DNAJC11: variants seen among roughly 807,000 people sequenced by gnomAD.
DNAJC11 encodes DnaJ heat shock protein family (Hsp40) member C11, also known as dnaJ homolog subfamily C member 11.
In DNAJC11, 15 loss-of-function variants were observed where a neutral mutation model predicts 78.6. That is an observed-to-expected ratio of 0.19 (90% confidence interval 0.13 to 0.29). The LOEUF (loss-of-function observed/expected upper bound fraction) is 0.29, where lower values mean the gene tolerates loss of function less well. Among genes scored for constraint, DNAJC11 ranks in the 10% least tolerant of loss-of-function variants. The pLI is 1.00. For missense variants in DNAJC11, 547 were observed against 709.6 expected, an observed-to-expected ratio of 0.77 and a Z score of 2.60; for synonymous variants, 292 against 272.1, an observed-to-expected ratio of 1.07 and a Z score of -0.72.
chr1:6,668,809 T>C (rs2148741726), intron 3 of DNAJC11, among the ~76,000 whole-genome samples: 1 of 152,228 alleles, frequency 6.6e-6, no homozygotes, highest in Non-Finnish European at 1.5e-5. Context: ...GGCTGTCAGT[T>C]ATAGGCTGGC....
At chr1:6,668,784 G>C (rs774003129) in intron 3 of DNAJC11, among the ~76,000 whole-genome samples, 24 of 152,222 alleles carry the variant, frequency 1.6e-4, no homozygotes, top group Non-Finnish European at 3.1e-4. Context: ...AACAGTATAT[G>C]AACCTTAGAA....
intron 3 of DNAJC11, among the ~76,000 whole-genome samples, chr1:6,673,624 G>A (rs911549287): frequency 3.9e-5 from 6 of 152,138 alleles, no homozygotes; most frequent in African/African-American, 1.4e-4. Flanking sequence ...TTATAACCAT[G>A]GAAGAGCTCT....
chr1:6,635,813 G>A (rs996684384), intron 15 of DNAJC11, 113 bp from the exon 16 acceptor site: 10 of 1,309,750 alleles, frequency 7.6e-6, no homozygotes, highest in Non-Finnish European at 1.1e-5. Context: ...CCCAGGCGAG[G>A]CAGAGCACCC....
intron 4 of DNAJC11, among the ~76,000 whole-genome samples, chr1:6,655,638 C>T (rs1018011094): frequency 3.3e-5 from 5 of 152,146 alleles, no homozygotes; most frequent in South Asian, 2.1e-4. Flanking sequence ...GCCTGGCCAA[C>T]GTGGTAGAAA....
At chr1:6,696,269 C>T (rs1178840098) in intron 1 of DNAJC11, among the ~76,000 whole-genome samples, 1 of 152,212 alleles carries the variant, frequency 6.6e-6, no homozygotes, top group Non-Finnish European at 1.5e-5. Flanking sequence ...AAATTAACTG[C>T]CCATCATGAA....
chr1:6,679,555 C>T (rs1223864074), intron 2 of DNAJC11, among the ~76,000 whole-genome samples: 4 of 152,100 alleles, frequency 2.6e-5, no homozygotes, highest in Admixed American at 2.6e-4. Context: ...TATTTGTAGG[C>T]CTAATTTAAA....
chr1:6,681,653 C>T (rs1001248867), intron 1 of DNAJC11, among the ~76,000 whole-genome samples: 3 of 152,146 alleles, frequency 2.0e-5, no homozygotes, highest in African/African-American at 7.2e-5. Flanking sequence ...CTACGCAGGA[C>T]ATCTGAAGGT....
intron 15 of DNAJC11, 40 bp downstream of exon 15, chr1:6,636,077 G>A (rs1048242901): frequency 1.1e-5 from 18 of 1,590,594 alleles, no homozygotes; most frequent in African/African-American, 5.4e-5. Flanking sequence ...CGAGGTCCCC[G>A]CCCCCGTTAG....
intron 14 of DNAJC11, 123 bp from the exon 15 acceptor site, chr1:6,636,369 G>A: frequency 2.2e-6 from 3 of 1,381,860 alleles, no homozygotes; most frequent in Non-Finnish European, 2.9e-6. Flanking sequence ...GCAAACTTTG[G>A]GGCATGAAGA....
intron 3 of DNAJC11, among the ~76,000 whole-genome samples, chr1:6,672,668 C>A (rs910180157): frequency 6.6e-6 from 1 of 152,158 alleles, no homozygotes; most frequent in African/African-American, 2.4e-5. Context: ...CAGGCCTCTG[C>A]CAGCCTTGAT....
At chr1:6,666,367 G>GT (rs1392107963) in intron 4 of DNAJC11, among the ~76,000 whole-genome samples, 7 of 140,510 alleles carry the variant, frequency 5.0e-5, no homozygotes, top group East Asian at 2.1e-4. Flanking sequence ...GCCAGCATTT[G>GT]TTTTTTTTCT....
intron 1 of DNAJC11, among the ~76,000 whole-genome samples, chr1:6,687,281 A>G (rs1642669977): frequency 6.6e-6 from 1 of 152,056 alleles, no homozygotes; most frequent in South Asian, 2.1e-4. Flanking sequence ...GACTTGGTAA[A>G]AAAAAAAAAA....
chr1:6,654,766 T>C (rs985322106), intron 4 of DNAJC11, among the ~76,000 whole-genome samples: 1 of 149,118 alleles, frequency 6.7e-6, no homozygotes, highest in Non-Finnish European at 1.5e-5. Flanking sequence ...AAACAATGTT[T>C]TTTTGCTAGC....
At chr1:6,673,333 G>A (rs1231722623) in intron 3 of DNAJC11, among the ~76,000 whole-genome samples, 3 of 150,964 alleles carry the variant, frequency 2.0e-5, no homozygotes, top group Non-Finnish European at 4.4e-5. Flanking sequence ...ATTGATGAAA[G>A]GAATGAGGAG....
intron 12 of DNAJC11, chr1:6,637,762 C>G: frequency 8.8e-6 from 5 of 570,110 alleles, no homozygotes; most frequent in Non-Finnish European, 1.6e-5. Flanking sequence ...GGTGGGAGCT[C>G]CCTTTCTAGG....
intron 1 of DNAJC11, among the ~76,000 whole-genome samples, chr1:6,691,239 A>G (rs576444979): frequency 1.1e-4 from 17 of 151,146 alleles, no homozygotes; most frequent in African/African-American, 3.6e-4. Flanking sequence ...TTTACGGGGC[A>G]GAGAAGGAAT....
At chr1:6,662,008 C>G (rs1447279436) in intron 4 of DNAJC11, among the ~76,000 whole-genome samples, 1 of 152,098 alleles carries the variant, frequency 6.6e-6, no homozygotes, top group African/African-American at 2.4e-5. Context: ...TGGAGCCAGG[C>G]TGGCACGATC....
At chr1:6,654,152 G>A (rs1642095022) in intron 4 of DNAJC11, 113 bp from the exon 5 acceptor site, 4 of 1,364,722 alleles carry the variant, frequency 2.9e-6, no homozygotes, top group East Asian at 5.1e-5. Flanking sequence ...TGACTTCAGG[G>A]TTCACTGGGT....
chr1:6,636,836 TTCTTCACACCACTGTTTGTTTGTTTG>T (rs778436549), intron 14 of DNAJC11, among the ~76,000 whole-genome samples: 1 of 152,154 alleles, frequency 6.6e-6, no homozygotes, highest in Non-Finnish European at 1.5e-5. Context: ...ACTGAACCTA[TTCTTCACACCACTGTTTGTTTGTTTG>T]TTTTGAGACA....
Sources: allele counts gnomAD v4.1 joint callset (sites outside exome capture counted in the v4.1 genomes callset), GRCh38; gene constraint gnomAD v4.1.1; transcripts MANE v1.5; gene names NCBI Gene and HGNC (gene_info 2026-07-23, HGNC 2026-07-21).